The following PCDH11X variants were observed in gnomAD, a reference collection of about 807,000 sequenced individuals.
The protein encoded by PCDH11X is protocadherin 11 X-linked.
In PCDH11X, 18 loss-of-function variants were observed where a neutral mutation model predicts 53.3. The observed-to-expected ratio is 0.34, with a 90% CI of 0.23 to 0.50. The LOEUF is 0.50. Ranked by LOEUF, PCDH11X falls within the 20% of genes least tolerant of loss-of-function variation. PCDH11X has a pLI of 0.98. For synonymous variants in PCDH11X, 279 were observed against 393.3 expected (o/e 0.71, Z 3.44); for missense variants, 570 against 1,032.4 (o/e 0.55, Z 6.14).
At chrX:92,129,616 T>C (rs1209629531) in intron 6 of PCDH11X, among the ~76,000 whole-genome samples, 1 of 111,873 alleles carries the variant, frequency 8.9e-6, no homozygotes, top group Admixed American at 9.5e-5. Flanking sequence ...TGGAATGTTG[T>C]AGAAAAATGC....
intron 1 of PCDH11X, among the ~76,000 whole-genome samples, chrX:91,791,552 C>A (rs1410669522): frequency 9.1e-6 from 1 of 109,593 alleles, no homozygotes; most frequent in African/African-American, 3.4e-5. Flanking sequence ...CCTCCTTCAA[C>A]ACTGGGGATT....
At chrX:92,143,018 T>G (rs2065212627) in intron 6 of PCDH11X, among the ~76,000 whole-genome samples, 1 of 111,670 alleles carries the variant, frequency 9.0e-6, no homozygotes, top group Admixed American at 9.6e-5. Context: ...GGCTCACGCC[T>G]GTAATCCTAG....
intron 6 of PCDH11X, among the ~76,000 whole-genome samples, chrX:92,033,510 G>C (rs1315934894): frequency 9.1e-6 from 1 of 109,839 alleles, no homozygotes; most frequent in Non-Finnish European, 1.9e-5. Context: ...TTTCTTCTAG[G>C]TTTTCCAATT....
intron 5 of PCDH11X, among the ~76,000 whole-genome samples, chrX:91,843,949 C>T (rs1483744162): frequency 9.0e-6 from 1 of 110,628 alleles, no homozygotes; most frequent in Non-Finnish European, 1.9e-5. Flanking sequence ...TTATCTGTGC[C>T]TACAATTCCT....
intron 6 of PCDH11X, among the ~76,000 whole-genome samples, chrX:91,972,531 C>T (rs879236790): frequency 5.4e-5 from 6 of 110,238 alleles, no homozygotes; most frequent in African/African-American, 2.0e-4. Context: ...CCCATGCCTA[C>T]ATCCTGAATG....
chrX:92,024,135 A>G, intron 6 of PCDH11X, among the ~76,000 whole-genome samples: 1 of 110,361 alleles, frequency 9.1e-6, no homozygotes, highest in Non-Finnish European at 1.9e-5. Flanking sequence ...CACCACTCCT[A>G]TTCAACATGG....
intron 9 of PCDH11X, among the ~76,000 whole-genome samples, chrX:92,429,240 T>G (rs2072194554): frequency 9.0e-6 from 1 of 110,828 alleles, no homozygotes; most frequent in African/African-American, 3.3e-5. Flanking sequence ...AATAAACTCC[T>G]GAGAACATAG....
At chrX:92,340,297 C>A (rs982938154) in intron 8 of PCDH11X, among the ~76,000 whole-genome samples, 10 of 110,903 alleles carry the variant, frequency 9.0e-5, no homozygotes, top group African/African-American at 3.0e-4. Context: ...AGTATGAGCT[C>A]TCAGTGGGTG....
At chrX:92,370,034 T>A (rs1314400720) in intron 8 of PCDH11X, among the ~76,000 whole-genome samples, 1 of 107,030 alleles carries the variant, frequency 9.3e-6, no homozygotes, top group African/African-American at 3.4e-5. Context: ...TTACAAAAAA[T>A]TGTTTCTTAG....
At chrX:92,484,588 G>A (rs894503377) in intron 10 of PCDH11X, among the ~76,000 whole-genome samples, 10 of 109,642 alleles carry the variant, frequency 9.1e-5, no homozygotes, top group Admixed American at 8.0e-4. Context: ...GCAGCAGCCC[G>A]GATGGAATTG....
intron 8 of PCDH11X, among the ~76,000 whole-genome samples, chrX:92,299,509 G>C (rs1482157849): frequency 9.0e-6 from 1 of 111,021 alleles, no homozygotes; most frequent in East Asian, 2.9e-4. Context: ...TTTGTTCAGG[G>C]ATCCAATTTC....
chrX:91,870,627 G>GA (rs900856342), intron 5 of PCDH11X, among the ~76,000 whole-genome samples: 10 of 110,158 alleles, frequency 9.1e-5, no homozygotes, highest in Admixed American at 2.9e-4. Context: ...GTCCTAGTGG[G>GA]AAAAAAAATA....
intron 6 of PCDH11X, among the ~76,000 whole-genome samples, chrX:92,177,037 G>T (rs991234116): frequency 2.8e-5 from 3 of 107,238 alleles, no homozygotes; most frequent in Non-Finnish European, 5.8e-5. Context: ...GTGCAGTGGG[G>T]CAATCTCGGC....
chrX:91,974,994 C>T (rs1198256848), intron 6 of PCDH11X, among the ~76,000 whole-genome samples: 11 of 110,827 alleles, frequency 9.9e-5, no homozygotes, highest in Non-Finnish European at 1.1e-4. Context: ...TCAGGTGATC[C>T]GCCTGCCTCG....
intron 8 of PCDH11X, among the ~76,000 whole-genome samples, chrX:92,365,747 G>T (rs913880581): frequency 9.0e-6 from 1 of 110,828 alleles, no homozygotes; most frequent in African/African-American, 3.3e-5. Context: ...TAATCATGTG[G>T]TTTTTGTCAT....
intron 8 of PCDH11X, among the ~76,000 whole-genome samples, chrX:92,283,253 G>GA (rs763650015): frequency 9.0e-6 from 1 of 111,419 alleles, no homozygotes; most frequent in African/African-American, 3.3e-5. Flanking sequence ...GGGTTGTACA[G>GA]AAAAAATTAT....
chrX:92,286,586 C>A (rs1428736203), intron 8 of PCDH11X, among the ~76,000 whole-genome samples: 1 of 98,753 alleles, frequency 1.0e-5, no homozygotes, highest in East Asian at 3.2e-4. Context: ...CCACTTATTT[C>A]ATTCTAGATT....
At chrX:92,442,814 A>T (rs1196850908) in intron 9 of PCDH11X, among the ~76,000 whole-genome samples, 1 of 111,120 alleles carries the variant, frequency 9.0e-6, no homozygotes, top group Non-Finnish European at 1.9e-5. Flanking sequence ...CCAGTTCATC[A>T]TTGATGGGCA....
intron 4 of PCDH11X, among the ~76,000 whole-genome samples, chrX:91,822,550 T>C (rs1231655136): frequency 9.2e-6 from 1 of 109,025 alleles, no homozygotes. Context: ...TGCGTCTATT[T>C]GATTCTTCTC....
Sources: allele counts gnomAD v4.1 joint callset (sites outside exome capture counted in the v4.1 genomes callset), GRCh38; gene constraint gnomAD v4.1.1; transcripts MANE v1.5; gene names NCBI Gene and HGNC (gene_info 2026-07-23, HGNC 2026-07-21).